Variants in MEAK7 observed in about 807,000 individuals in gnomAD.
MEAK7 encodes MTOR associated protein MEAK7.
In MEAK7, 68 loss-of-function variants were observed where a neutral mutation model predicts 40.5. The observed-to-expected ratio is 1.68, with a 90% CI of 1.38 to 2.06. MEAK7 has a LOEUF of 2.06. Ranked by LOEUF, MEAK7 falls within the 30% of genes most tolerant of loss-of-function variation. The pLI is 0.00. For synonymous variants in MEAK7, 338 were observed against 231.9 expected (o/e 1.46, Z -4.16); for missense variants, 918 against 580.5 (o/e 1.58, Z -5.98).
intron 4 of MEAK7, 75 bp from the exon 5 acceptor site, chr16:84,487,134 C>T: frequency 2.1e-6 from 3 of 1,461,228 alleles, no homozygotes; most frequent in Non-Finnish European, 2.8e-6. Context: ...CCACACTGAT[C>T]AGTGTGGGAG....
intron 3 of MEAK7, chr16:84,494,805 C>T (rs1370317561): frequency 8.8e-6 from 4 of 455,680 alleles, no homozygotes; most frequent in Non-Finnish European, 1.8e-5. Context: ...GACTCATTTT[C>T]CTCTAAAATC....
chr16:84,500,134 C>A (rs1294412404), intron 1 of MEAK7: 9 of 152,200 alleles, frequency 5.9e-5, no homozygotes, highest in African/African-American at 2.2e-4. Flanking sequence ...TGTTGTAGCG[C>A]GGGTCAGCAT....
At chr16:84,504,457 C>T in intron 1 of MEAK7, 144 bp downstream of exon 1, 1 of 407,106 alleles carries the variant, frequency 2.5e-6, no homozygotes, top group Non-Finnish European at 3.3e-6. Flanking sequence ...TCTCCCTCCC[C>T]CGACCCGAGG....
At chr16:84,483,424 C>A (rs1258375217) in intron 5 of MEAK7, among the ~76,000 whole-genome samples, 1 of 152,252 alleles carries the variant, frequency 6.6e-6, no homozygotes. Context: ...GAGGACTTGG[C>A]CGGAAGGGCT....
chr16:84,496,845 T>G (rs2150644583), intron 2 of MEAK7, among the ~76,000 whole-genome samples: 1 of 152,282 alleles, frequency 6.6e-6, no homozygotes, highest in Non-Finnish European at 1.5e-5. Flanking sequence ...CACTCTACTT[T>G]GAACATCATC....
At chr16:84,481,979 A>G (rs1597921620) in intron 6 of MEAK7, among the ~76,000 whole-genome samples, 2 of 152,108 alleles carry the variant, frequency 1.3e-5, no homozygotes, top group East Asian at 1.9e-4. Flanking sequence ...GCAGCAGAGG[A>G]AAGAAATCAG....
At chr16:84,490,271 T>A (rs1022501724) in intron 3 of MEAK7, among the ~76,000 whole-genome samples, 3 of 129,490 alleles carry the variant, frequency 2.3e-5, no homozygotes, top group African/African-American at 5.6e-5. Flanking sequence ...TAAATTCCCA[T>A]AGCTGGGGGA....
Position 84,498,016 on chromosome 16 carries a change from A to ATC in MEAK7, c.69_70dup (p.Ile24ArgfsTer25), listed in dbSNP as rs1914198443. ...TGACAGAGCATCAAACAATTGATCA[A>ATC]TCTCTGCCTGTTCCTCAGGAAGAAA... On this transcript the variant is annotated frameshift_variant, in exon 2 of 8. Transcript: ENST00000343629. LOFTEE classifies it high-confidence loss of function. The ATC allele has an allele frequency of 6.2e-7, 1 of 1,614,036 alleles. No homozygotes were observed. Among genetic ancestry groups the ATC allele is most frequent in the African/African-American group, 1.3e-5 (1 of 74,910 alleles).
rs914603267 is a variant in MEAK7 at position 84,476,731 on chromosome 16, G to A, written c.*3182C>T. On this transcript the variant is annotated 3_prime_UTR_variant, in exon 8 of 8. Transcript: ENST00000343629. ...AAGAAAGCGAGGGACACATCAGTGT[G>A]TAAAAGACAGTGATGCCCAGGTGTG... is the stretch of plus-strand genomic sequence containing the variant. 2 of 152,356 alleles carry A rather than the reference G, an allele frequency of 1.3e-5. No homozygotes were observed. Among genetic ancestry groups the A allele is most frequent in the African/African-American group, 2.4e-5 (1 of 41,562 alleles). The allele number at this position is 152,356 out of a possible 1,614,324, so 9.4% of individuals were successfully genotyped here.
chr16:84,497,468 C>A, intron 2 of MEAK7: 1 of 1,289,878 alleles, frequency 7.8e-7, no homozygotes, highest in Non-Finnish European at 1.0e-6. Context: ...CCTGGACCGA[C>A]GAGTCCAGGA....
chr16:84,486,589 C>G, intron 5 of MEAK7, 42 bp downstream of exon 5: 1 of 1,539,750 alleles, frequency 6.5e-7, no homozygotes, highest in Non-Finnish European at 8.7e-7. Flanking sequence ...GCTCTTTGCC[C>G]GTGCTGTGCC....
At chr16:84,485,279 C>T (rs1378242555) in intron 5 of MEAK7, among the ~76,000 whole-genome samples, 7 of 152,176 alleles carry the variant, frequency 4.6e-5, no homozygotes, top group Non-Finnish European at 8.8e-5. Context: ...ATTCCCAGAA[C>T]TAAGATAAAG....
intron 1 of MEAK7, among the ~76,000 whole-genome samples, chr16:84,498,640 C>A (rs546714532): frequency 6.6e-6 from 1 of 152,000 alleles, no homozygotes; most frequent in Non-Finnish European, 1.5e-5. Flanking sequence ...CCCATCGTGA[C>A]GCCCATGACC....
Position 84,489,434 on chromosome 16 carries a change from C to T in MEAK7, c.385-12G>A. 1 of 1,597,730 alleles carries T rather than the reference C, an allele frequency of 6.3e-7. No homozygotes were observed. The highest frequency in any genetic ancestry group is 1.3e-5 in the African/African-American group (1 of 74,424). On this transcript the variant is annotated splice_polypyrimidine_tract_variant and intron_variant, in intron 3 of 7. Coordinates refer to ENST00000343629, the MANE Select transcript of MEAK7 (RefSeq NM_020947.4). ...AGATCCTCTGTAAACTGTAAGATCACAATTTTACCATTAAAAACAGTTCCA... is the reference window on the plus strand; with the variant it reads ...AGATCCTCTGTAAACTGTAAGATCATAATTTTACCATTAAAAACAGTTCCA...
intron 5 of MEAK7, among the ~76,000 whole-genome samples, chr16:84,484,821 G>A (rs1435556092): frequency 6.6e-6 from 1 of 152,188 alleles, no homozygotes; most frequent in African/African-American, 2.4e-5. Context: ...GCTGCCCTCT[G>A]CTGTTGTTTC....
chr16:84,495,983 T>C, intron 2 of MEAK7, 70 bp from the exon 3 acceptor site: 1 of 1,536,396 alleles, frequency 6.5e-7, no homozygotes, highest in South Asian at 1.1e-5. Context: ...GGAGTTATTA[T>C]TTTAGGCAGA....
At chr16:84,495,995 AG>A (rs1914016515) in intron 2 of MEAK7, 82 bp from the exon 3 acceptor site, 1 of 1,442,176 alleles carries the variant, frequency 6.9e-7, no homozygotes, top group African/African-American at 1.4e-5. Context: ...TTAGGCAGAT[AG>A]AGAGGAAAAG....
chr16:84,493,192 T>C (rs1567499970), intron 3 of MEAK7, among the ~76,000 whole-genome samples: 1 of 152,240 alleles, frequency 6.6e-6, no homozygotes, highest in Non-Finnish European at 1.5e-5. Context: ...GTAAAGTTGT[T>C]GTATGCCAGA....
intron 3 of MEAK7, chr16:84,495,482 C>G: frequency 1.7e-6 from 1 of 592,028 alleles, no homozygotes. Flanking sequence ...CTGAAGCCCT[C>G]AAAATCATCT....
Sources: allele counts gnomAD v4.1 joint callset (sites outside exome capture counted in the v4.1 genomes callset), GRCh38; gene constraint gnomAD v4.1.1; transcripts MANE v1.5; gene names NCBI Gene and HGNC (gene_info 2026-07-23, HGNC 2026-07-21).